Variants in MEGF9 observed in about 807,000 individuals in gnomAD.
MEGF9 encodes multiple EGF like domains 9.
A neutral mutation model predicts 46.8 loss-of-function variants in MEGF9; 6 were observed. The ratio of observed to expected loss-of-function variants is 0.13; its 90% CI spans 0.07 to 0.25. The LOEUF (loss-of-function observed/expected upper bound fraction) is 0.25. MEGF9 is among the 10% of genes least tolerant of loss of function. The pLI is 1.00. For missense variants in MEGF9, 683 were observed against 792.4 expected, an observed-to-expected ratio of 0.86 and a Z score of 1.66; for synonymous variants, 302 against 330.7, an observed-to-expected ratio of 0.91 and a Z score of 0.94.
chr9:120,689,807 G>T (rs1461625541), intron 1 of MEGF9: 4 of 342,570 alleles, frequency 1.2e-5, no homozygotes, highest in Admixed American at 1.1e-4. Context: ...TGCCAGAGTT[G>T]TGCTTTATAA....
chr9:120,696,581 A>G (rs2043878230), intron 1 of MEGF9, among the ~76,000 whole-genome samples: 1 of 152,230 alleles, frequency 6.6e-6, no homozygotes, highest in African/African-American at 2.4e-5. Flanking sequence ...TTTATTAATA[A>G]TGATAATGAA....
At chr9:120,618,010 T>C (rs571928360) in intron 3 of MEGF9, among the ~76,000 whole-genome samples, 1 of 152,316 alleles carries the variant, frequency 6.6e-6, no homozygotes, top group African/African-American at 2.4e-5. Flanking sequence ...AGGTATATAA[T>C]GCCAATTAAA....
intron 2 of MEGF9, among the ~76,000 whole-genome samples, chr9:120,632,179 C>G (rs1416713125): frequency 6.6e-6 from 1 of 152,184 alleles, no homozygotes; most frequent in East Asian, 1.9e-4. Flanking sequence ...CCCACCTCGG[C>G]CTCCCAAGAA....
At chr9:120,619,604 T>A (rs1414454722) in intron 3 of MEGF9, among the ~76,000 whole-genome samples, 3 of 152,194 alleles carry the variant, frequency 2.0e-5, no homozygotes, top group African/African-American at 7.2e-5. Context: ...ATAACAGTAT[T>A]TACTTAATAC....
chr9:120,713,940 G>T lies in MEGF9; in HGVS notation c.419C>A (p.Pro140Gln). The change falls in exon 1 of 6, where the codon CCG becomes CAG. Residue 140 changes from proline (P) to glutamine (Q), a missense_variant. Transcript: ENST00000373930. Reference sequence around the variant, plus strand: ...AAGGGTGGTCGGCGCGGGTCTGGTCGGCGCCTGAGAGGTGGTCGAAGTGCG... The same window carrying T: ...AAGGGTGGTCGGCGCGGGTCTGGTCTGCGCCTGAGAGGTGGTCGAAGTGCG... ...AERTSTTSQAPTRPAPTTLST... is the reference protein window; with the variant it reads ...AERTSTTSQAQTRPAPTTLST... 7.3e-7 allele frequency: 1 copy of T among 1,374,368 alleles called. No individual in the cohort carries two copies. The allele number at this position is 1,374,368 out of a possible 1,614,324, so 85.1% of individuals were successfully genotyped here. A position where few individuals can be genotyped will look rare whatever the true frequency, so the allele number is the denominator to read the frequency against.
At chr9:120,683,897 A>G (rs918982369) in intron 1 of MEGF9, among the ~76,000 whole-genome samples, 1 of 152,166 alleles carries the variant, frequency 6.6e-6, no homozygotes, top group African/African-American at 2.4e-5. Context: ...CCTGCTTCAA[A>G]AAAAAACCCC....
intron 3 of MEGF9, 97 bp from the exon 4 acceptor site, chr9:120,612,636 A>T (rs2043454115): frequency 9.2e-7 from 1 of 1,089,054 alleles, no homozygotes; most frequent in African/African-American, 1.6e-5. Flanking sequence ...CATAAGAAAA[A>T]GAAAAACTAA....
intron 3 of MEGF9, among the ~76,000 whole-genome samples, chr9:120,613,622 A>G (rs1310201212): frequency 3.9e-5 from 6 of 152,170 alleles, no homozygotes; most frequent in Admixed American, 1.3e-4. Flanking sequence ...TTTTGTAATA[A>G]TACTCCCTTG....
rs1447270875 is a variant in MEGF9 at position 120,604,809 on chromosome 9, G to C, written c.*381C>G. 1 of 205,746 alleles carries C rather than the reference G, an allele frequency of 4.9e-6. No individual in the cohort carries two copies. The highest frequency in any genetic ancestry group is 9.9e-6 in the Non-Finnish European group (1 of 100,626). 12.7% of individuals were successfully genotyped at this position (205,746 alleles called of 1,614,324 possible). A position where few individuals can be genotyped will look rare whatever the true frequency, so the allele number is the denominator to read the frequency against. Reference sequence around the variant, plus strand: ...AAAAAAATGTTTCAGGAATGGAGATGAAGTCTTCCAGCAGTCTTTTCCCCC... The same window carrying C: ...AAAAAAATGTTTCAGGAATGGAGATCAAGTCTTCCAGCAGTCTTTTCCCCC... On this transcript the variant is annotated 3_prime_UTR_variant, in exon 6 of 6. Transcript: ENST00000373930.
intron 1 of MEGF9, among the ~76,000 whole-genome samples, chr9:120,685,216 A>AGGATTG (rs372234263): frequency 4.4e-4 from 67 of 152,342 alleles, no homozygotes; most frequent in African/African-American, 1.4e-3. Context: ...ATACAGACAT[A>AGGATTG]GGATTGCATT....
At chr9:120,704,062 G>A (rs1189493053) in intron 1 of MEGF9, among the ~76,000 whole-genome samples, 4 of 150,114 alleles carry the variant, frequency 2.7e-5, no homozygotes, top group East Asian at 2.0e-4. Flanking sequence ...GGTTGGGCGC[G>A]GTGGCTCACA....
chr9:120,628,590 G>A (rs755266785), intron 2 of MEGF9, among the ~76,000 whole-genome samples: 18 of 143,578 alleles, frequency 1.3e-4, no homozygotes, highest in East Asian at 1.1e-3. Flanking sequence ...AATTCCCAAC[G>A]GTCATGCAAC....
chr9:120,634,219 T>G (rs1397446425), intron 2 of MEGF9, among the ~76,000 whole-genome samples: 1 of 152,132 alleles, frequency 6.6e-6, no homozygotes, highest in African/African-American at 2.4e-5. Flanking sequence ...ATTATTGTAT[T>G]GGAGTCTAAC....
chr9:120,673,913 T>C (rs1174451288), intron 1 of MEGF9, among the ~76,000 whole-genome samples: 1 of 142,170 alleles, frequency 7.0e-6, no homozygotes, highest in Non-Finnish European at 1.5e-5. Context: ...GAGCTTGCAG[T>C]GAGCCGAGAT....
intron 2 of MEGF9, among the ~76,000 whole-genome samples, chr9:120,627,849 CAT>C (rs757305655): frequency 1.3e-5 from 2 of 152,184 alleles, no homozygotes; most frequent in Non-Finnish European, 2.9e-5. Flanking sequence ...AGACATTACA[CAT>C]GTTGACACTC....
chr9:120,627,896 T>C (rs889856272), intron 2 of MEGF9, among the ~76,000 whole-genome samples: 4 of 152,226 alleles, frequency 2.6e-5, no homozygotes, highest in Non-Finnish European at 5.9e-5. Context: ...AATTAAGAGA[T>C]AATGAAATGT....
intron 1 of MEGF9, among the ~76,000 whole-genome samples, chr9:120,675,428 A>G (rs2043768338): frequency 2.0e-5 from 3 of 151,982 alleles, no homozygotes; most frequent in Admixed American, 1.3e-4. Flanking sequence ...TTTATAATAT[A>G]AAAAATTTTT....
At chr9:120,686,349 A>G (rs2043822083) in intron 1 of MEGF9, among the ~76,000 whole-genome samples, 1 of 152,192 alleles carries the variant, frequency 6.6e-6, no homozygotes, top group South Asian at 2.1e-4. Context: ...AAGTGCTGGG[A>G]TTACAATCGT....
At chr9:120,683,589 T>C (rs954385239) in intron 1 of MEGF9, among the ~76,000 whole-genome samples, 1 of 152,250 alleles carries the variant, frequency 6.6e-6, no homozygotes, top group African/African-American at 2.4e-5. Flanking sequence ...GTAAGTTTCC[T>C]GAGGCCTCCC....
Sources: allele counts gnomAD v4.1 joint callset (sites outside exome capture counted in the v4.1 genomes callset), GRCh38; gene constraint gnomAD v4.1.1; transcripts MANE v1.5; gene names NCBI Gene and HGNC (gene_info 2026-07-23, HGNC 2026-07-21).